VIT: variants seen among roughly 807,000 people sequenced by gnomAD.
The protein encoded by VIT is vitrin.
Under a neutral mutation model 78.0 loss-of-function variants are expected in VIT, and 99 were observed. The ratio of observed to expected loss-of-function variants is 1.27; its 90% CI spans 1.08 to 1.50. The LOEUF (loss-of-function observed/expected upper bound fraction) is 1.50, where lower values mean the gene tolerates loss of function less well. VIT is among the 40% of genes most tolerant of loss of function. The pLI is 0.00. For missense variants in VIT, 1,126 were observed against 875.3 expected (o/e 1.29, Z -3.61); for synonymous variants, 374 against 334.3 (o/e 1.12, Z -1.29).
intron 1 of VIT, among the ~76,000 whole-genome samples, chr2:36,711,898 A>G (rs1347246040): frequency 6.6e-6 from 1 of 152,236 alleles, no homozygotes; most frequent in Admixed American, 6.5e-5. Context: ...CCTCACCAGA[A>G]CTACATATTT....
chr2:36,811,628 G>A (rs2148689280), intron 15 of VIT, among the ~76,000 whole-genome samples: 1 of 152,108 alleles, frequency 6.6e-6, no homozygotes, highest in African/African-American at 2.4e-5. Flanking sequence ...AGTGGACTTG[G>A]GATCTGGAAA....
At chr2:36,726,068 CA>C (rs201797565) in intron 2 of VIT, among the ~76,000 whole-genome samples, 8,753 of 100,688 alleles carry the variant, frequency 0.087, 289 homozygotes, top group East Asian at 0.27. Flanking sequence ...GACTCTGTCT[CA>C]AAAAAAAAAA....
Position 36,801,308 on chromosome 2 carries a change from C to G in VIT, c.1066C>G (p.Pro356Ala), listed in dbSNP as rs1025462550. The part of the protein sequence containing the change: ...LMGVVQYGDN[P>A]ATHFNLKTHT... ...CTTGTTCTGACTCTTCAGAGACAACCCTGCTACTCACTTTAACCTCAAGAC... is the reference window on the plus strand; with the variant it reads ...CTTGTTCTGACTCTTCAGAGACAACGCTGCTACTCACTTTAACCTCAAGAC... Residue 356 changes from proline to alanine, a missense_variant, in exon 13 of 16, where the codon CCT (proline) becomes GCT (alanine). Physicochemically the swap from Pro to Ala is conservative, Grantham distance 27. Coordinates refer to ENST00000379242, the MANE Select transcript of VIT (RefSeq NM_053276.4). 1.2e-6 allele frequency: 2 copies of G among 1,613,778 alleles called. No homozygotes were observed. Among genetic ancestry groups the G allele is most frequent in the African/African-American group, 1.3e-5 (1 of 74,886 alleles).
At chr2:36,742,278 T>A (rs1667880497) in intron 3 of VIT, among the ~76,000 whole-genome samples, 1 of 152,138 alleles carries the variant, frequency 6.6e-6, no homozygotes, top group Non-Finnish European at 1.5e-5. Context: ...CCAGGCAACC[T>A]TTCAGCTTCA....
intron 6 of VIT, chr2:36,759,669 C>T (rs1668988533): frequency 2.0e-6 from 2 of 989,370 alleles, no homozygotes; most frequent in East Asian, 1.1e-4. Flanking sequence ...AACTGTGAGT[C>T]GCTTTATAAC....
intron 3 of VIT, among the ~76,000 whole-genome samples, chr2:36,731,756 A>C (rs1404745651): frequency 6.6e-6 from 1 of 152,220 alleles, no homozygotes; most frequent in Non-Finnish European, 1.5e-5. Context: ...ATGGAAGCTT[A>C]AGTTAAAGTG....
chr2:36,808,498 C>T lies in VIT; in HGVS notation c.1416C>T (p.Tyr472=), dbSNP rs1158127160. ...CCGTGTGCAGAACAAACGGCTTCTA[C>T]TCGCTCCACGTGCAGAGCTGGTTTG... is the stretch of plus-strand genomic sequence containing the variant. ...NKAVCRTNGF[Y]SLHVQSWFGL... Residue 472 remains tyrosine, a synonymous_variant, in exon 15 of 16, where the codon TAC becomes TAT. Transcript: ENST00000379242. The T allele has an allele frequency of 3.7e-6, 6 of 1,611,136 alleles. No individual in the cohort carries two copies. The highest frequency in any genetic ancestry group is 5.1e-6 in the Non-Finnish European group (6 of 1,177,888).
At chr2:36,716,787 T>C (rs1243366669) in intron 2 of VIT, among the ~76,000 whole-genome samples, 1 of 152,120 alleles carries the variant, frequency 6.6e-6, no homozygotes, top group Non-Finnish European at 1.5e-5. Flanking sequence ...ATTTCTTAAT[T>C]TCGCAAACAA....
Position 36,781,859 on chromosome 2 carries a change from G to C in VIT, c.847+88G>C, listed in dbSNP as rs1284233079. On this transcript the variant is annotated intron_variant, in intron 10 of 15. Transcript: ENST00000379242. ...AGAGTCTAATAATCCAGCTGGCATAGCGGCCGAGCTCCACTAGCCTAGGAT... is the reference window on the plus strand; with the variant it reads ...AGAGTCTAATAATCCAGCTGGCATACCGGCCGAGCTCCACTAGCCTAGGAT... 3 of 1,516,216 alleles carry C rather than the reference G, an allele frequency of 2.0e-6. No homozygotes were observed. The African/African-American group carries it at 4.1e-5, about 21-fold the overall frequency. 93.9% of individuals were successfully genotyped at this position (1,516,216 alleles called of 1,614,324 possible).
At chr2:36,781,493 G>A (rs1664746824) in intron 9 of VIT, among the ~76,000 whole-genome samples, 1 of 152,050 alleles carries the variant, frequency 6.6e-6, no homozygotes. Context: ...CAAGATTCTT[G>A]GTGCATAATG....
chr2:36,773,356 C>A (rs1669867251), intron 7 of VIT, among the ~76,000 whole-genome samples: 1 of 149,510 alleles, frequency 6.7e-6, no homozygotes, highest in Non-Finnish European at 1.5e-5. Context: ...TCTTCCAAGG[C>A]AGGTTTGGAC....
intron 15 of VIT, among the ~76,000 whole-genome samples, chr2:36,813,290 A>C (rs536922484): frequency 1.3e-5 from 2 of 152,020 alleles, no homozygotes; most frequent in African/African-American, 4.8e-5. Flanking sequence ...TCTCTACTAA[A>C]AATACAAAAA....
At chr2:36,766,600 G>T (rs1669445215) in intron 6 of VIT, among the ~76,000 whole-genome samples, 1 of 152,128 alleles carries the variant, frequency 6.6e-6, no homozygotes, top group African/African-American at 2.4e-5. Context: ...CCATTTTACA[G>T]ATTAGGAAAC....
At chr2:36,707,971 G>A (rs1665541423) in intron 1 of VIT, among the ~76,000 whole-genome samples, 1 of 152,092 alleles carries the variant, frequency 6.6e-6, no homozygotes, top group Admixed American at 6.6e-5. Context: ...CAGAATCCTG[G>A]GGGATTGTAG....
chr2:36,803,796 G>A (rs573859906), intron 13 of VIT, among the ~76,000 whole-genome samples: 2 of 152,258 alleles, frequency 1.3e-5, no homozygotes, highest in African/African-American at 4.8e-5. Flanking sequence ...TCTAAAGAAG[G>A]TGCTTCTTAA....
chr2:36,704,195 G>A (rs559526747), intron 1 of VIT, among the ~76,000 whole-genome samples: 21 of 152,036 alleles, frequency 1.4e-4, no homozygotes, highest in South Asian at 4.2e-4. Context: ...CAAAGTGCTC[G>A]GATTACAGGC....
chr2:36,743,315 C>G lies in VIT; in HGVS notation c.275+59C>G, dbSNP rs1368903560. The G allele has an allele frequency of 3.4e-6, 5 of 1,454,028 alleles. No individual in the cohort carries two copies. The African/African-American group carries it at 7.0e-5, about 20-fold the overall frequency. The allele number at this position is 1,454,028 out of a possible 1,614,324, so 90.1% of individuals were successfully genotyped here. On this transcript the variant is annotated intron_variant, in intron 4 of 15. Coordinates refer to ENST00000379242, the MANE Select transcript of VIT (RefSeq NM_053276.4). ...GAAATCAGGGTGTTGGCAGGGAGCC[C>G]CCATGCAAGGTTGCCATATTTAGCA...
chr2:36,723,537 T>C (rs1237373389), intron 2 of VIT, among the ~76,000 whole-genome samples: 1 of 152,216 alleles, frequency 6.6e-6, no homozygotes, highest in Admixed American at 6.5e-5. Flanking sequence ...TGCTTTAGCT[T>C]GCATTTTTAA....
intron 3 of VIT, among the ~76,000 whole-genome samples, chr2:36,742,064 G>A (rs80055918): frequency 0.017 from 2,603 of 152,204 alleles, 72 homozygotes; most frequent in African/African-American, 0.06. Context: ...TGCCTCTTTG[G>A]ACTGTGCTCA....
Sources: allele counts gnomAD v4.1 joint callset (sites outside exome capture counted in the v4.1 genomes callset), GRCh38; gene constraint gnomAD v4.1.1; transcripts MANE v1.5; gene names NCBI Gene and HGNC (gene_info 2026-07-23, HGNC 2026-07-21).